ETV3L: variants seen among roughly 807,000 people sequenced by gnomAD.
The protein encoded by ETV3L is ETS translocation variant 3-like protein.
A neutral mutation model predicts 27.6 loss-of-function variants in ETV3L; 30 were observed. The ratio of observed to expected loss-of-function variants is 1.09; its 90% confidence interval spans 0.81 to 1.48. ETV3L has a LOEUF of 1.48. Among genes scored for constraint, ETV3L ranks in the 40% most tolerant of loss-of-function variants. The probability of loss-of-function intolerance (pLI) is 0.00; values close to 1 mark genes in which losing one functional copy is unlikely to be tolerated. For missense variants in ETV3L, 443 were observed against 455.6 expected (o/e 0.97, Z 0.25); for synonymous variants, 186 against 188.9 (o/e 0.98, Z 0.12).
At position 157,098,877 on chromosome 1, in the gene ETV3L, CCTCTT is replaced by C. The variant is rs1196220990; in HGVS notation, c.310_314del (p.Lys104AspfsTer4). ...TTTTGCCTTTGGTCTTATGCAGGAT[CCTCTT>C]ATTGTAGTAATATCTGGAGAATTCG... On this transcript the variant is annotated frameshift_variant, in exon 3 of 5. Transcript: ENST00000454449. LOFTEE classifies it high-confidence loss of function. 3.7e-6 allele frequency: 6 copies of C among 1,612,480 alleles called. No individual in the cohort carries two copies. Among genetic ancestry groups the C allele is most frequent in the Non-Finnish European group, 5.1e-6 (6 of 1,179,494 alleles).
chr1:157,099,106 C>G, intron 2 of ETV3L, 35 bp downstream of exon 2: 1 of 1,608,300 alleles, frequency 6.2e-7, no homozygotes, highest in Non-Finnish European at 8.5e-7. Flanking sequence ...CCTTGAAATC[C>G]CCCCTCTTTG....
chr1:157,098,403 C>T (rs148557790), intron 3 of ETV3L, among the ~76,000 whole-genome samples: 3 of 152,012 alleles, frequency 2.0e-5, no homozygotes, highest in African/African-American at 7.2e-5. Context: ...GCCTCTCATA[C>T]CCATTGTTAA....
rs1674306805 is a variant in ETV3L at position 157,099,766 on chromosome 1, GC to G, written c.-244del. On this transcript the variant is annotated 5_prime_UTR_variant, in exon 1 of 5. Coordinates refer to ENST00000454449, the MANE Select transcript of ETV3L (RefSeq NM_001004341.2). Reference sequence around the variant, plus strand: ...CTTCCCCATACCCAGACAGGGCCCAGCCCCCTCTGGGGACCTCCCCGCTGCC... The same window carrying G: ...CTTCCCCATACCCAGACAGGGCCCAGCCCCTCTGGGGACCTCCCCGCTGCC... 1 of 588,468 alleles carries G rather than the reference GC, an allele frequency of 1.7e-6. No individual in the cohort carries two copies. The highest frequency in any genetic ancestry group is 3.1e-5 in the Admixed American group (1 of 32,642). 36.5% of individuals were successfully genotyped at this position (588,468 alleles called of 1,614,324 possible).
At position 157,099,679 on chromosome 1, in the gene ETV3L, A is replaced by G; in HGVS notation, c.-156T>C. 1.4e-6 allele frequency: 1 copy of G among 694,662 alleles called. No homozygotes were observed. The highest frequency in any genetic ancestry group is 2.7e-5 in the East Asian group (1 of 36,844). 43.0% of individuals were successfully genotyped at this position (694,662 alleles called of 1,614,324 possible). ...AGGGAGAGGGTCAGGAAAGAAAGAG[A>G]GAAAAGGGAAGGGACAAGAGGTTGC... is the stretch of plus-strand genomic sequence containing the variant. On this transcript the variant is annotated 5_prime_UTR_variant, in exon 1 of 5. Coordinates refer to ENST00000454449, the MANE Select transcript of ETV3L (RefSeq NM_001004341.2).
At position 157,099,790 on chromosome 1, in the gene ETV3L, GC is replaced by G. The variant is rs1674307505; in HGVS notation, c.-268del. 1.7e-6 allele frequency: 1 copy of G among 578,896 alleles called. No homozygotes were observed. The highest frequency in any genetic ancestry group is 1.9e-5 in the African/African-American group (1 of 53,486). The allele number at this position is 578,896 out of a possible 1,614,324, so 35.9% of individuals were successfully genotyped here. ...AGCCCCCTCTGGGGACCTCCCCGCTGCCCAGGGCTGACTCGGACTCAGGGCT... is the reference window on the plus strand; with the variant it reads ...AGCCCCCTCTGGGGACCTCCCCGCTGCCAGGGCTGACTCGGACTCAGGGCT... On this transcript the variant is annotated 5_prime_UTR_variant, in exon 1 of 5. Coordinates refer to ENST00000454449, the MANE Select transcript of ETV3L (RefSeq NM_001004341.2).
In ETV3L at chr1:157,092,436, G is replaced by T. The variant is rs971067855; in HGVS notation, c.*213C>A. 28 of 565,018 alleles carry T rather than the reference G, an allele frequency of 5.0e-5. No individual in the cohort carries two copies. The highest frequency in any genetic ancestry group is 1.4e-4 in the South Asian group (6 of 41,790). The allele number at this position is 565,018 out of a possible 1,614,324, so 35.0% of individuals were successfully genotyped here. A position where few individuals can be genotyped will look rare whatever the true frequency, so the allele number is the denominator to read the frequency against. The stretch of plus-strand genomic sequence containing the variant: ...TCCCCTTAGTCTGCTTAGCAATATG[G>T]TGAAAGAGGAGGGGCACCCTGTCTT... On this transcript the variant is annotated 3_prime_UTR_variant, in exon 5 of 5. Transcript: ENST00000454449.
At chr1:157,098,659 G>A (rs1477326696) in intron 3 of ETV3L, 47 bp downstream of exon 3, 2 of 1,516,114 alleles carry the variant, frequency 1.3e-6, no homozygotes, top group Admixed American at 4.2e-5. Context: ...TGGGCAGAGG[G>A]GTAGGACCTG....
chr1:157,097,003 C>A (rs779985409), intron 4 of ETV3L, among the ~76,000 whole-genome samples: 2 of 152,086 alleles, frequency 1.3e-5, no homozygotes, highest in Non-Finnish European at 2.9e-5. Context: ...AGGAGAAAGT[C>A]CTGCTCCCTT....
In ETV3L at chr1:157,098,705, C is replaced by A. The variant is rs1260359178; in HGVS notation, c.486+1G>T. 6.3e-7 allele frequency: 1 copy of A among 1,592,096 alleles called. No homozygotes were observed. Among genetic ancestry groups the A allele is most frequent in the African/African-American group, 1.3e-5 (1 of 74,162 alleles). On this transcript the variant is annotated splice_donor_variant, in intron 3 of 4. Transcript: ENST00000454449. LOFTEE classifies it high-confidence loss of function. ...GAGACAGGGGCCACCTCCGCTCTTA[C>A]CTCACTCTGCACACCCACGGGCACC...
chr1:157,098,652 G>T, intron 3 of ETV3L, 54 bp downstream of exon 3: 1 of 1,486,968 alleles, frequency 6.7e-7, no homozygotes, highest in Non-Finnish European at 9.0e-7. Context: ...AGCCTCCTGG[G>T]CAGAGGGGTA....
At position 157,099,252 on chromosome 1, in the gene ETV3L, T is replaced by C. The variant is rs1674292817; in HGVS notation, c.185A>G (p.Gln62Arg). ...EEFRHVIAWQ[Q>R]GEYGEFVIKD... is the part of the protein sequence containing the mutation. ...GATGACAAATTCCCCGTACTCTCCCTGCTGCCAGGCGATGACATGGCGGAA... is the reference window on the plus strand; with the variant it reads ...GATGACAAATTCCCCGTACTCTCCCCGCTGCCAGGCGATGACATGGCGGAA... Residue 62 changes from glutamine to arginine, a missense_variant, in exon 2 of 5, where the codon CAG (glutamine) becomes CGG (arginine). Coordinates refer to ENST00000454449, the MANE Select transcript of ETV3L (RefSeq NM_001004341.2). 6 of 1,613,972 alleles carry C rather than the reference T, an allele frequency of 3.7e-6. No homozygotes were observed. In the East Asian group the frequency reaches 1.3e-4, roughly 36 times the overall value.
At position 157,093,088 on chromosome 1, in the gene ETV3L, C is replaced by T; in HGVS notation, c.647G>A (p.Cys216Tyr). 6.8e-7 allele frequency: 1 copy of T among 1,480,148 alleles called. No homozygotes were observed. The highest frequency in any genetic ancestry group is 9.0e-7 in the Non-Finnish European group (1 of 1,115,328). 91.7% of individuals were successfully genotyped at this position (1,480,148 alleles called of 1,614,324 possible). ...GCCTTGGACGCTCCCCAAATGGCAG[C>T]AAAGGCCCAGCCGGCAGGGGCCTGG... ...SAPGPCRLGL[C>Y]CHLGSVQGEL... The change falls in exon 5 of 5, where the codon TGC becomes TAC. Residue 216 changes from cysteine (C) to tyrosine (Y), a missense_variant. Physicochemically the swap from Cys to Tyr is radical, Grantham distance 194. Transcript: ENST00000454449.
Position 157,095,771 on chromosome 1 carries a change from G to A in ETV3L, c.607+2097C>T, listed in dbSNP as rs531320663. Among the ~76,000 whole-genome samples the A allele has an allele frequency of 1.1e-3, 168 of 152,214 alleles. 1 individual carries two copies. Among genetic ancestry groups the A allele is most frequent in the Admixed American group, 0.011 (168 of 15,292 alleles). On this transcript the variant is annotated intron_variant, in intron 4 of 4. Coordinates refer to ENST00000454449, the MANE Select transcript of ETV3L (RefSeq NM_001004341.2). ...AGGCCCTGGAGCACCCCACACCCATGGCCTCAGCTGCACTCCCAGGGGTGC... is the reference window on the plus strand; with the variant it reads ...AGGCCCTGGAGCACCCCACACCCATAGCCTCAGCTGCACTCCCAGGGGTGC...
At chr1:157,096,687 G>A (rs1200641184) in intron 4 of ETV3L, among the ~76,000 whole-genome samples, 2 of 152,214 alleles carry the variant, frequency 1.3e-5, no homozygotes, top group Non-Finnish European at 2.9e-5. Context: ...TTGGAAGGCC[G>A]AGGCAGGCGG....
At position 157,092,527 on chromosome 1, in the gene ETV3L, C is replaced by T; in HGVS notation, c.*122G>A. On this transcript the variant is annotated 3_prime_UTR_variant, in exon 5 of 5. Coordinates refer to ENST00000454449, the MANE Select transcript of ETV3L (RefSeq NM_001004341.2). ...TCCCCACCTTGGGTCCAACTCCACC[C>T]CTTCAAATCCTGCAATTTCAGCCCA... 1.2e-6 allele frequency: 1 copy of T among 842,792 alleles called. No individual in the cohort carries two copies. The highest frequency in any genetic ancestry group is 1.8e-6 in the Non-Finnish European group (1 of 544,540). The allele number at this position is 842,792 out of a possible 1,614,324, so 52.2% of individuals were successfully genotyped here. A position where few individuals can be genotyped will look rare whatever the true frequency, so the allele number is the denominator to read the frequency against.
chr1:157,093,635 G>A (rs1674166363), intron 4 of ETV3L, among the ~76,000 whole-genome samples: 1 of 151,890 alleles, frequency 6.6e-6, no homozygotes, highest in South Asian at 2.1e-4. Context: ...GAGACTACAT[G>A]TGCATGCCAC....
At chr1:157,097,195 G>A (rs1362358766) in intron 4 of ETV3L, among the ~76,000 whole-genome samples, 1 of 151,854 alleles carries the variant, frequency 6.6e-6, no homozygotes, top group Admixed American at 6.6e-5. Context: ...ATTTCTGACT[G>A]GGTGTGGTGT....
chr1:157,092,697 G>A lies in ETV3L; in HGVS notation c.1038C>T (p.Ser346=). The change falls in exon 5 of 5, where the codon TCC becomes TCT. Residue 346 remains serine (S), a synonymous_variant. Transcript: ENST00000454449. The part of the protein sequence containing the change: ...RLKTGEESLT[S]PNLENLKAVW... ...CTGCTTTGAGGTTCTCCAGATTGGG[G>A]GAAGTAAGGCTTTCCTCCCCAGTTT... is the stretch of plus-strand genomic sequence containing the variant. The A allele has an allele frequency of 3.1e-6, 5 of 1,613,762 alleles. No individual in the cohort carries two copies. The highest frequency in any genetic ancestry group is 4.2e-6 in the Non-Finnish European group (5 of 1,179,764).
At chr1:157,098,072 T>C in intron 3 of ETV3L, 84 bp from the exon 4 acceptor site, 1 of 1,442,716 alleles carries the variant, frequency 6.9e-7, no homozygotes. Context: ...GTTAGCCAGT[T>C]GCTAAAACAA....
Sources: allele counts gnomAD v4.1 joint callset (sites outside exome capture counted in the v4.1 genomes callset), GRCh38; gene constraint gnomAD v4.1.1; transcripts MANE v1.5; gene names NCBI Gene and HGNC (gene_info 2026-07-23, HGNC 2026-07-21).